The following ENDOU variants were observed in gnomAD, a reference collection of about 807,000 sequenced individuals.
The protein encoded by ENDOU is endonuclease, poly(U) specific.
Under a neutral mutation model 54.2 loss-of-function variants are expected in ENDOU, and 49 were observed. That is an observed-to-expected ratio of 0.90 (90% CI 0.72 to 1.15). The LOEUF (loss-of-function observed/expected upper bound fraction) is 1.15. Ranked by LOEUF, ENDOU falls within the 50% of genes most tolerant of loss-of-function variation. The pLI is 0.00. For synonymous variants in ENDOU, 172 were observed against 190.5 expected (o/e 0.90, Z 0.80); for missense variants, 458 against 511.4 (o/e 0.90, Z 1.01).
chr12:47,713,728 C>G (rs1940121808), intron 6 of ENDOU, among the ~76,000 whole-genome samples: 1 of 110,880 alleles, frequency 9.0e-6, no homozygotes, highest in Non-Finnish European at 1.8e-5. Flanking sequence ...AAAGGGCTGG[C>G]ACATAAGTTG....
intron 8 of ENDOU, among the ~76,000 whole-genome samples, chr12:47,711,988 G>A (rs1263255023): frequency 6.6e-6 from 1 of 152,166 alleles, no homozygotes; most frequent in South Asian, 2.1e-4. Flanking sequence ...AGCTGCCAGT[G>A]CACATCTACC....
chr12:47,718,050 G>A, intron 3 of ENDOU, 79 bp downstream of exon 3: 2 of 1,275,440 alleles, frequency 1.6e-6, no homozygotes, highest in South Asian at 2.6e-5. Context: ...TGGTGCCACT[G>A]CCATGGCCGC....
intron 1 of ENDOU, among the ~76,000 whole-genome samples, chr12:47,722,018 T>A (rs1940449445): frequency 6.6e-6 from 1 of 152,242 alleles, no homozygotes; most frequent in Non-Finnish European, 1.5e-5. Flanking sequence ...AATTAGTTGA[T>A]AAATTAACAA....
At chr12:47,712,338 G>A (rs1592500545) in intron 8 of ENDOU, among the ~76,000 whole-genome samples, 178 bp downstream of exon 8, 1 of 152,210 alleles carries the variant, frequency 6.6e-6, no homozygotes, top group South Asian at 2.1e-4. Flanking sequence ...CTGTTTGGAA[G>A]GGAATTCCAG....
chr12:47,715,801 C>T (rs1002507672), intron 6 of ENDOU, among the ~76,000 whole-genome samples: 12 of 152,204 alleles, frequency 7.9e-5, no homozygotes, highest in Non-Finnish European at 1.5e-4. Context: ...TAGGACTTCC[C>T]GCTCTGAACC....
chr12:47,713,433 G>C lies in ENDOU; in HGVS notation c.752-45C>G, dbSNP rs765920486. On this transcript the variant is annotated intron_variant, in intron 6 of 9. Coordinates refer to ENST00000422538, the MANE Select transcript of ENDOU (RefSeq NM_001172439.2). ...GTTTTGGAGAGGGGAGGCAGGGCCA[G>C]GTCCTGGGAGCGCTAAACAGAGACC... 4 of 1,390,042 alleles carry C rather than the reference G, an allele frequency of 2.9e-6. No individual in the cohort carries two copies. The South Asian group carries it at 4.6e-5, about 16-fold the overall frequency. The allele number at this position is 1,390,042 out of a possible 1,614,324, so 86.1% of individuals were successfully genotyped here. A position where few individuals can be genotyped will look rare whatever the true frequency, so the allele number is the denominator to read the frequency against.
chr12:47,720,717 A>G, intron 2 of ENDOU, 36 bp downstream of exon 2: 1 of 1,533,254 alleles, frequency 6.5e-7, no homozygotes, highest in Non-Finnish European at 8.7e-7. Flanking sequence ...CCCCTTAGAC[A>G]GGCTGGACAT....
intron 1 of ENDOU, among the ~76,000 whole-genome samples, chr12:47,724,320 G>GC (rs1940522528): frequency 6.6e-6 from 1 of 152,166 alleles, no homozygotes; most frequent in African/African-American, 2.4e-5. Flanking sequence ...CTGGTAAGAT[G>GC]CACTATCTCA....
intron 8 of ENDOU, 49 bp downstream of exon 8, chr12:47,712,467 G>T: frequency 7.2e-7 from 1 of 1,393,014 alleles, no homozygotes; most frequent in South Asian, 1.2e-5. Context: ...CACAGAGTGA[G>T]AGCAGGATAT....
rs911603246 is a variant in ENDOU, at chr12:47,716,832, A to C, written c.551+58T>G. ...TGAGGATAAAAAGTCGAGACATCGA[A>C]AGAAGCAAGGATAGGGGCAAGATTT... On this transcript the variant is annotated intron_variant, in intron 5 of 9. Coordinates refer to ENST00000422538, the MANE Select transcript of ENDOU (RefSeq NM_001172439.2). The C allele has an allele frequency of 4.5e-6, 7 of 1,571,006 alleles. No individual in the cohort carries two copies. In the African/African-American group the frequency reaches 8.1e-5, roughly 18 times the overall value.
intron 3 of ENDOU, 69 bp from the exon 4 acceptor site, chr12:47,717,724 C>G: frequency 6.5e-6 from 10 of 1,527,724 alleles, no homozygotes; most frequent in African/African-American, 1.4e-5. Context: ...CACAGGCTGT[C>G]GCTCCCTAGC....
rs370940906 is a variant in ENDOU at position 47,716,375 on chromosome 12, C to T, written c.676G>A (p.Glu226Lys). Residue 226 changes from glutamate (E) to lysine (K), a missense_variant, in exon 6 of 10, where the codon GAG becomes AAG. Physicochemically the swap from Glu to Lys is moderately conservative, Grantham distance 56. Transcript: ENST00000422538. ...ATCTCTCTGAGGAAGGCGTCCTGCTCGGCCAGCTCCTGGGCACTGAAGTGC... is the reference window on the plus strand; with the variant it reads ...ATCTCTCTGAGGAAGGCGTCCTGCTTGGCCAGCTCCTGGGCACTGAAGTGC... ...GEHFSAQELA[E>K]QDAFLREIMK... 19 of 1,613,968 alleles carry T rather than the reference C, an allele frequency of 1.2e-5. No individual in the cohort carries two copies. Among genetic ancestry groups the T allele is most frequent in the South Asian group, 3.3e-5 (3 of 91,082 alleles).
At position 47,717,785 on chromosome 12, in the gene ENDOU, C is replaced by T. The variant is rs1223748923; in HGVS notation, c.245-130G>A. Reference sequence around the variant, plus strand: ...AAGATCTCCAGGGAAGGAAAACAAACAAACCTAATTCGTGCACACCCTTCA... The same window carrying T: ...AAGATCTCCAGGGAAGGAAAACAAATAAACCTAATTCGTGCACACCCTTCA... On this transcript the variant is annotated intron_variant, in intron 3 of 9. Coordinates refer to ENST00000422538, the MANE Select transcript of ENDOU (RefSeq NM_001172439.2). The T allele has an allele frequency of 5.2e-6, 5 of 967,670 alleles. No individual in the cohort carries two copies. In the African/African-American group the frequency reaches 6.5e-5, roughly 13 times the overall value. 59.9% of individuals were successfully genotyped at this position (967,670 alleles called of 1,614,324 possible). A position where few individuals can be genotyped will look rare whatever the true frequency, so the allele number is the denominator to read the frequency against.
In ENDOU at chr12:47,711,622, C is replaced by T. The variant is rs779848111; in HGVS notation, c.1115+11G>A. On this transcript the variant is annotated intron_variant, in intron 9 of 9. Coordinates refer to ENST00000422538, the MANE Select transcript of ENDOU (RefSeq NM_001172439.2). ...CAGTCTGCCCCCAGGCCTGGCTGGCCCCATTCTTACACTTTGCCTGGCCTG... is the reference window on the plus strand; with the variant it reads ...CAGTCTGCCCCCAGGCCTGGCTGGCTCCATTCTTACACTTTGCCTGGCCTG... 5.6e-6 allele frequency: 9 copies of T among 1,612,008 alleles called. No homozygotes were observed.
In ENDOU at chr12:47,720,840, T is replaced by C; in HGVS notation, c.91A>G (p.Lys31Glu). Residue 31 changes from lysine to glutamate, a missense_variant, in exon 2 of 10, where the codon AAA becomes GAA. Lys to Glu is a moderately conservative substitution (Grantham distance 56, BLOSUM62 1). Coordinates refer to ENST00000422538, the MANE Select transcript of ENDOU (RefSeq NM_001172439.2). ...TGGCAGGCAGCGTCCCGGTTAAATT[T>C]CTCATTACATCGAGATGCACAGGAT... ...IESCASRCNE[K>E]FNRDAACQCD... 1 of 1,536,098 alleles carries C rather than the reference T, an allele frequency of 6.5e-7. No individual in the cohort carries two copies. Among genetic ancestry groups the C allele is most frequent in the African/African-American group, 1.4e-5 (1 of 73,144 alleles).
intron 5 of ENDOU, 44 bp from the exon 6 acceptor site, chr12:47,716,543 G>A: frequency 6.3e-7 from 1 of 1,579,770 alleles, no homozygotes; most frequent in Non-Finnish European, 8.7e-7. Flanking sequence ...CCCAAACACA[G>A]GGCAGCGACC....
At chr12:47,717,422 A>T (rs1428036741) in intron 4 of ENDOU, 96 bp downstream of exon 4, 1 of 1,373,828 alleles carries the variant, frequency 7.3e-7, no homozygotes, top group Non-Finnish European at 1.0e-6. Flanking sequence ...AAGTTCTCAG[A>T]CATTGCTGAA....
At chr12:47,725,254 C>A (rs1468211621) in intron 1 of ENDOU, 105 bp downstream of exon 1, 2 of 1,278,290 alleles carry the variant, frequency 1.6e-6, no homozygotes, top group African/African-American at 2.9e-5. Flanking sequence ...AGCTCACCCT[C>A]CCTTGTCCCA....
At chr12:47,721,801 T>C (rs1940442684) in intron 1 of ENDOU, among the ~76,000 whole-genome samples, 1 of 152,034 alleles carries the variant, frequency 6.6e-6, no homozygotes, top group Non-Finnish European at 1.5e-5. Context: ...GATAACAGAG[T>C]CTTTGTTCGA....
Sources: allele counts gnomAD v4.1 joint callset (sites outside exome capture counted in the v4.1 genomes callset), GRCh38; gene constraint gnomAD v4.1.1; transcripts MANE v1.5; gene names NCBI Gene and HGNC (gene_info 2026-07-23, HGNC 2026-07-21).